Variants in FCRL6 observed in about 807,000 individuals in gnomAD.
FCRL6 encodes Fc receptor-like protein 6.
A neutral mutation model predicts 49.1 loss-of-function variants in FCRL6; 50 were observed. The observed-to-expected ratio is 1.02, with a 90% CI of 0.81 to 1.29. The LOEUF (loss-of-function observed/expected upper bound fraction) is 1.29. Ranked by LOEUF, FCRL6 falls within the 50% of genes most tolerant of loss-of-function variation. The pLI, the probability that FCRL6 is intolerant of heterozygous loss-of-function variation, is 0.00. For synonymous variants in FCRL6, 213 were observed against 199.6 expected (o/e 1.07, Z -0.57); for missense variants, 571 against 518.5 (o/e 1.10, Z -0.98).
chr1:159,802,058 C>T (rs1179040984), upstream of FCRL6, among the ~76,000 whole-genome samples: 4 of 152,136 alleles, frequency 2.6e-5, no homozygotes, highest in Non-Finnish European at 5.9e-5. Flanking sequence ...ACGCTGAAGC[C>T]AAGCAAATTC....
rs183862944 is a variant in FCRL6 at position 159,810,517 on chromosome 1, G to A, written c.1009+301G>A. ...ACCAAGGAATTATTACAAGCCAAAC[G>A]TGAGGTATGTCAGTATCCTTTACAT... is the stretch of plus-strand genomic sequence containing the variant. On this transcript the variant is annotated intron_variant, in intron 6 of 9. Coordinates refer to ENST00000368106, the MANE Select transcript of FCRL6 (RefSeq NM_001004310.3). Among the ~76,000 whole-genome samples, 223 of 152,128 alleles carry A rather than the reference G, an allele frequency of 1.5e-3. 1 individual carries two copies. Among genetic ancestry groups the A allele is most frequent in the Non-Finnish European group, 2.5e-3 (169 of 67,994 alleles).
At chr1:159,804,487 G>T (rs1266953654) in intron 1 of FCRL6, among the ~76,000 whole-genome samples, 1 of 152,178 alleles carries the variant, frequency 6.6e-6, no homozygotes, top group Non-Finnish European at 1.5e-5. Context: ...TACGCAACTT[G>T]GTTTGACCAT....
At chr1:159,800,741 C>T (rs1662275837), upstream of FCRL6, 4 of 757,720 alleles carry the variant, frequency 5.3e-6, no homozygotes, top group Non-Finnish European at 9.0e-6. Context: ...CTGAGTCAGA[C>T]AATCTAGGGC....
At chr1:159,801,020 T>TA (rs113615048), upstream of FCRL6, among the ~76,000 whole-genome samples, 9 of 151,454 alleles carry the variant, frequency 5.9e-5, no homozygotes, top group Non-Finnish European at 8.8e-5. Flanking sequence ...TCCTTCTCAA[T>TA]AAAAAAAAGA....
Position 159,810,195 on chromosome 1 carries a change from G to A in FCRL6, c.988G>A (p.Val330Met). The A allele has an allele frequency of 6.2e-7, 1 of 1,613,126 alleles. No individual in the cohort carries two copies. Among genetic ancestry groups the A allele is most frequent in the Middle Eastern group, 1.7e-4 (1 of 6,052 alleles). ...TATTGCTGCTGCACTTCTGGTTTAT[G>A]TGAGATCCTGGAGAAAAGCTGGTCA... ...MVIAAALLVY[V>M]RSWRKAGPLP... Residue 330 changes from valine to methionine, a missense_variant, in exon 6 of 10, where the codon GTG becomes ATG. Coordinates refer to ENST00000368106, the MANE Select transcript of FCRL6 (RefSeq NM_001004310.3).
At chr1:159,808,107 G>C in intron 2 of FCRL6, 71 bp from the exon 3 acceptor site, 1 of 1,536,746 alleles carries the variant, frequency 6.5e-7, no homozygotes, top group Non-Finnish European at 8.8e-7. Context: ...GCCTTAGGCT[G>C]GGGGACAGAG....
intron 6 of FCRL6, among the ~76,000 whole-genome samples, chr1:159,811,195 G>A (rs1019288497): frequency 6.6e-6 from 1 of 152,190 alleles, no homozygotes; most frequent in African/African-American, 2.4e-5. Context: ...ATTAGTTTGG[G>A]GGGCCACGCA....
rs773805930 is a variant in FCRL6 at position 159,809,260 on chromosome 1, G to C, written c.604+15G>C. On this transcript the variant is annotated intron_variant, in intron 4 of 9. Transcript: ENST00000368106. ...CAGAGTGCAGGGTAAGTGCGCGAGAGAGTGGAGATGCCCCCAGGGCCCTGG... is the reference window on the plus strand; with the variant it reads ...CAGAGTGCAGGGTAAGTGCGCGAGACAGTGGAGATGCCCCCAGGGCCCTGG... The C allele has an allele frequency of 5.9e-6, 9 of 1,536,666 alleles. No individual in the cohort carries two copies. The highest frequency in any genetic ancestry group is 7.0e-6 in the Non-Finnish European group (8 of 1,144,834).
chr1:159,808,473 G>A (rs1419160174), intron 3 of FCRL6, 29 bp downstream of exon 3: 10 of 1,613,786 alleles, frequency 6.2e-6, no homozygotes, highest in Non-Finnish European at 7.6e-6. Flanking sequence ...AGTTTGTGGG[G>A]CAGGAGGTGC....
chr1:159,810,680 C>A (rs1663039574), intron 6 of FCRL6, among the ~76,000 whole-genome samples: 1 of 152,088 alleles, frequency 6.6e-6, no homozygotes, highest in South Asian at 2.1e-4. Context: ...TGCATAGGCT[C>A]ACTCACACAC....
In FCRL6 at chr1:159,813,484, C is replaced by T. The variant is rs763170548; in HGVS notation, c.1010-5C>T. ...CCCAGTGAATCATGCCCTTGTATCT[C>T]CTAGGGCCCCTTCCATCCCAGATAC... On this transcript the variant is annotated splice_region_variant and splice_polypyrimidine_tract_variant and intron_variant, in intron 6 of 9. Coordinates refer to ENST00000368106, the MANE Select transcript of FCRL6 (RefSeq NM_001004310.3). The T allele has an allele frequency of 2.5e-6, 4 of 1,613,234 alleles. No individual in the cohort carries two copies. The highest frequency in any genetic ancestry group is 1.3e-5 in the African/African-American group (1 of 75,018).
chr1:159,805,394 G>A (rs1051769445), intron 1 of FCRL6, among the ~76,000 whole-genome samples: 11 of 151,944 alleles, frequency 7.2e-5, no homozygotes, highest in Admixed American at 6.5e-5. Flanking sequence ...AAAATACCTA[G>A]GACATGCCAG....
chr1:159,808,514 A>C (rs1462531162), intron 3 of FCRL6, 70 bp downstream of exon 3: 1 of 1,582,118 alleles, frequency 6.3e-7, no homozygotes, highest in Non-Finnish European at 8.7e-7. Context: ...AGAGGTCAGT[A>C]GCTCTCTGGG....
Position 159,814,242 on chromosome 1 carries a change from A to G in FCRL6, c.1097A>G (p.Asp366Gly), listed in dbSNP as rs1479177578. Residue 366 changes from aspartate (D) to glycine (G), a missense_variant, in exon 8 of 10, where the codon GAT becomes GGT. Coordinates refer to ENST00000368106, the MANE Select transcript of FCRL6 (RefSeq NM_001004310.3). Reference sequence around the variant, plus strand: ...CCAGTGCATCACCAGAAAGGGAAAGATGAAGGTGTTGTCTACTCTGTGGTG... The same window carrying G: ...CCAGTGCATCACCAGAAAGGGAAAGGTGAAGGTGTTGTCTACTCTGTGGTG... ...YANVHHQKGK[D>G]EGVVYSVVHR... 1 of 1,614,066 alleles carries G rather than the reference A, an allele frequency of 6.2e-7. No homozygotes were observed. Among genetic ancestry groups the G allele is most frequent in the Non-Finnish European group, 8.5e-7 (1 of 1,180,012 alleles).
upstream of FCRL6, among the ~76,000 whole-genome samples, chr1:159,800,943 T>C (rs1662294087): frequency 6.6e-6 from 1 of 152,126 alleles, no homozygotes; most frequent in African/African-American, 2.4e-5. Context: ...GGAAAATCAC[T>C]TGAACCTGGG....
Position 159,810,188 on chromosome 1 carries a change from G to A in FCRL6, c.981G>A (p.Leu327=). The A allele has an allele frequency of 2.5e-6, 4 of 1,613,186 alleles. No individual in the cohort carries two copies. The highest frequency in any genetic ancestry group is 3.4e-6 in the Non-Finnish European group (4 of 1,179,616). Residue 327 remains leucine, a synonymous_variant, in exon 6 of 10, where the codon CTG becomes CTA. Transcript: ENST00000368106. ...LGLMVIAAAL[L]VYVRSWRKAG... ...TGATGGTTATTGCTGCTGCACTTCT[G>A]GTTTATGTGAGATCCTGGAGAAAAG... is the stretch of plus-strand genomic sequence containing the variant.
upstream of FCRL6, among the ~76,000 whole-genome samples, chr1:159,801,450 C>G (rs1662330664): frequency 2.0e-5 from 3 of 152,218 alleles, no homozygotes; most frequent in South Asian, 6.2e-4. Context: ...ACGGGCTCCC[C>G]CAGACCCAGC....
upstream of FCRL6, among the ~76,000 whole-genome samples, chr1:159,801,483 C>A (rs1021967414): frequency 1.3e-5 from 2 of 152,178 alleles, no homozygotes; most frequent in African/African-American, 2.4e-5. Flanking sequence ...GGTATCACTC[C>A]CTTATTCTTA....
chr1:159,809,437 G>A lies in FCRL6; in HGVS notation c.640G>A (p.Gly214Arg), dbSNP rs139067829. The A allele has an allele frequency of 1.4e-5, 23 of 1,612,822 alleles. No homozygotes were observed. Among genetic ancestry groups the A allele is most frequent in the East Asian group, 2.2e-5 (1 of 44,832 alleles). ...CCGTCCTGTGCTCACTCTGCACCAC[G>A]GGCCTGCTGACCCTGCTGTGGGGGA... ...VSRPVLTLHH[G>R]PADPAVGDMV... The change falls in exon 5 of 10, where the codon GGG becomes AGG. Residue 214 changes from glycine to arginine, a missense_variant. Coordinates refer to ENST00000368106, the MANE Select transcript of FCRL6 (RefSeq NM_001004310.3).
Sources: allele counts gnomAD v4.1 joint callset (sites outside exome capture counted in the v4.1 genomes callset), GRCh38; gene constraint gnomAD v4.1.1; transcripts MANE v1.5; gene names NCBI Gene and HGNC (gene_info 2026-07-23, HGNC 2026-07-21).